The following ATP5ME variants were observed in gnomAD, a reference collection of about 807,000 sequenced individuals.
ATP5ME encodes the protein ATP synthase membrane subunit e.
ATP5ME carries 10 observed loss-of-function variants against 11.6 expected under a neutral mutation model. The observed-to-expected ratio is 0.86, with a 90% CI of 0.53 to 1.46. ATP5ME has a LOEUF of 1.46. ATP5ME is among the 40% of genes most tolerant of loss of function. ATP5ME has a pLI of 0.00. For missense variants in ATP5ME, 115 were observed against 85.4 expected, an observed-to-expected ratio of 1.35 and a Z score of -1.37; for synonymous variants, 45 against 33.5, an observed-to-expected ratio of 1.34 and a Z score of -1.19.
intron 1 of ATP5ME, 21 bp from the exon 2 acceptor site, chr4:673,987 AG>A: frequency 6.5e-7 from 1 of 1,541,654 alleles, no homozygotes; most frequent in South Asian, 1.2e-5. Flanking sequence ...GGTTGGTCAG[AG>A]GCGGCGCGAA....
intron 3 of ATP5ME, 56 bp from the exon 4 acceptor site, chr4:672,575 G>A (rs1738567221): frequency 7.5e-6 from 11 of 1,470,270 alleles, no homozygotes; most frequent in Non-Finnish European, 1.0e-5. Flanking sequence ...AACCTAAAAA[G>A]ACCACTTCAG....
chr4:673,315 C>A lies in ATP5ME; in HGVS notation c.178G>T (p.Glu60Ter). The change falls in exon 3 of 4, where the codon GAA becomes TAA. Residue 60 changes from glutamate (E) to a stop codon, truncating the protein, a stop_gained. Coordinates refer to ENST00000304312, the MANE Select transcript of ATP5ME (RefSeq NM_007100.4). LOFTEE classifies it high-confidence loss of function. ...GTGTCACTCGTACCTTCTGCCAATTCTCTGGCAATCCGTTTCAGTTCATCC... is the reference window on the plus strand; with the variant it reads ...GTGTCACTCGTACCTTCTGCCAATTATCTGGCAATCCGTTTCAGTTCATCC... ...KQDELKRIAR[E>*]LAEDDSILK 1 of 1,614,194 alleles carries A rather than the reference C, an allele frequency of 6.2e-7. No individual in the cohort carries two copies. Among genetic ancestry groups the A allele is most frequent in the South Asian group, 1.1e-5 (1 of 91,066 alleles).
At chr4:674,179 A>G (rs1159766076) in intron 1 of ATP5ME, 33 bp downstream of exon 1, 16 of 1,607,408 alleles carry the variant, frequency 1.0e-5, no homozygotes, top group Non-Finnish European at 1.3e-5. Flanking sequence ...GGGGGCCCAG[A>G]GCACTGGGCG....
chr4:673,829 A>G, intron 2 of ATP5ME, 83 bp downstream of exon 2: 2 of 1,509,038 alleles, frequency 1.3e-6, no homozygotes, highest in Non-Finnish European at 1.8e-6. Flanking sequence ...GCCCCCTTCC[A>G]GAGCTGGAGT....
chr4:673,192 AT>A, intron 3 of ATP5ME, 110 bp downstream of exon 3: 2 of 1,539,660 alleles, frequency 1.3e-6, no homozygotes, highest in Non-Finnish European at 8.8e-7. Context: ...CAGCTTCCCC[AT>A]TTTTAAACAA....
intron 1 of ATP5ME, 46 bp downstream of exon 1, chr4:674,166 C>CG (rs770028372): frequency 6.7e-5 from 90 of 1,348,534 alleles, no homozygotes; most frequent in East Asian, 9.1e-5. Flanking sequence ...GGGCGGGACA[C>CG]GGGGGGGCCC....
intron 3 of ATP5ME, among the ~76,000 whole-genome samples, 181 bp downstream of exon 3, chr4:673,122 G>A (rs1344141234): frequency 2.6e-5 from 4 of 152,182 alleles, no homozygotes; most frequent in Admixed American, 2.6e-4. Flanking sequence ...AACCTCAGGT[G>A]ATCTGCCCGC....
intron 2 of ATP5ME, chr4:673,645 T>C: frequency 1.3e-6 from 1 of 768,106 alleles, no homozygotes; most frequent in Non-Finnish European, 2.1e-6. Flanking sequence ...AGGGACTGCC[T>C]CCCATCAAGA....
In ATP5ME at chr4:674,256, T is replaced by C. The variant is rs560939418; in HGVS notation, c.-9A>G. On this transcript the variant is annotated 5_prime_UTR_variant, in exon 1 of 4. Coordinates refer to ENST00000304312, the MANE Select transcript of ATP5ME (RefSeq NM_007100.4). Reference sequence around the variant, plus strand: ...TGCACCGGTGGCACCATCTTGTCCCTGACCTCCGCACCGGAAGCACAACCT... The same window carrying C: ...TGCACCGGTGGCACCATCTTGTCCCCGACCTCCGCACCGGAAGCACAACCT... The C allele has an allele frequency of 4.3e-6, 7 of 1,611,470 alleles. No individual in the cohort carries two copies. In the East Asian group the frequency reaches 1.6e-4, roughly 36 times the overall value.
chr4:673,527 G>T, intron 2 of ATP5ME, 126 bp from the exon 3 acceptor site: 3 of 1,493,030 alleles, frequency 2.0e-6, no homozygotes, highest in Non-Finnish European at 2.7e-6. Flanking sequence ...CGCTCTTTAT[G>T]TTAATGCGAG....
chr4:673,510 C>A, intron 2 of ATP5ME, 109 bp from the exon 3 acceptor site: 1 of 1,556,970 alleles, frequency 6.4e-7, no homozygotes, highest in South Asian at 1.1e-5. Flanking sequence ...GACGCACCTG[C>A]TGTTCCCGCT....
rs1279986028 is a variant in ATP5ME, at chr4:673,405, T to C, written c.92-4A>G. The C allele has an allele frequency of 6.2e-7, 1 of 1,614,074 alleles. No individual in the cohort carries two copies. The stretch of plus-strand genomic sequence containing the variant: ...TCTGCCCGAGGTTTTAGGTAATCTG[T>C]TTGGCGGAATGCAGGAGAATAAAAT... On this transcript the variant is annotated splice_region_variant and splice_polypyrimidine_tract_variant and intron_variant, in intron 2 of 3. Transcript: ENST00000304312.
intron 3 of ATP5ME, 73 bp from the exon 4 acceptor site, chr4:672,592 A>AT: frequency 7.6e-7 from 1 of 1,311,800 alleles, no homozygotes; most frequent in Non-Finnish European, 1.1e-6. Flanking sequence ...TCAGCTTCCC[A>AT]GTTATTTTTT....
Position 672,613 on chromosome 4 carries a change from T to G in ATP5ME, c.191-94A>C, listed in dbSNP as rs918452701. On this transcript the variant is annotated intron_variant, in intron 3 of 3. Transcript: ENST00000304312. ...TCCCAGTTATTTTTTTTTTTTTTTT[T>G]TTTGTTTTGAGACGGAGTCTCGCTC... The G allele has an allele frequency of 8.4e-4, 1,209 of 1,435,702 alleles. 1 individual carries two copies. The highest frequency in any genetic ancestry group is 1.9e-3 in the African/African-American group (128 of 68,926). 88.9% of individuals were successfully genotyped at this position (1,435,702 alleles called of 1,614,324 possible).
intron 2 of ATP5ME, 140 bp from the exon 3 acceptor site, chr4:673,541 ACG>A (rs1738633729): frequency 7.0e-7 from 1 of 1,436,826 alleles, no homozygotes; most frequent in Admixed American, 2.1e-5. Flanking sequence ...ATGCGAGTCA[ACG>A]CCTGACCTTC....
intron 3 of ATP5ME, 149 bp from the exon 4 acceptor site, chr4:672,668 T>C (rs1738579683): frequency 2.4e-6 from 2 of 825,506 alleles, no homozygotes; most frequent in Non-Finnish European, 3.8e-6. Context: ...CTCAGCTCAC[T>C]GCAACCTCTG....
intron 2 of ATP5ME, chr4:673,697 G>A (rs932619790): frequency 7.5e-6 from 6 of 804,204 alleles, no homozygotes; most frequent in African/African-American, 3.4e-5. Context: ...TTTTCACCAA[G>A]AAGCAGCCGT....
intron 3 of ATP5ME, 32 bp downstream of exon 3, chr4:673,271 G>A (rs776591346): frequency 3.7e-6 from 6 of 1,614,062 alleles, no homozygotes; most frequent in South Asian, 3.3e-5. Context: ...AACCTGGGAG[G>A]GACAATCTAT....
In ATP5ME at chr4:672,500, T is replaced by C. The variant is rs1738558878; in HGVS notation, c.210A>G (p.Ter70TrpextTer13). 6.2e-7 allele frequency: 1 copy of C among 1,613,732 alleles called. No homozygotes were observed. The highest frequency in any genetic ancestry group is 8.5e-7 in the Non-Finnish European group (1 of 1,179,990). The change falls in exon 4 of 4, where the codon TGA becomes TGG. Residue 70 changes from the stop codon to tryptophan (W), a stop_lost. Transcript: ENST00000304312. Reference protein sequence around the residue: ...ELAEDDSILK* With the variant: ...ELAEDDSILKW ...TCCAAAGAGTGGGTCGCAGGGTCAC[T>C]CACTTTAATATGCTGTCATCTTGGG...
Sources: gnomAD v4.1 joint callset for allele counts (sites outside exome capture counted in the v4.1 genomes callset) on GRCh38, gnomAD v4.1.1 for gene constraint, MANE v1.5 for transcripts, NCBI Gene and HGNC (gene_info 2026-07-23, HGNC 2026-07-21) for gene names.